The following EML5 variants were observed in gnomAD, a reference collection of about 807,000 sequenced individuals.
EML5 encodes echinoderm microtubule-associated protein-like 5.
EML5 carries 120 observed loss-of-function variants against 250.0 expected under a neutral mutation model. The ratio of observed to expected loss-of-function variants is 0.48; its 90% CI spans 0.41 to 0.56. The LOEUF is 0.56. Among genes scored for constraint, EML5 ranks in the 20% least tolerant of loss-of-function variants. The probability of loss-of-function intolerance (pLI) is 0.00; values close to 1 mark genes in which losing one functional copy is unlikely to be tolerated. For missense variants in EML5, 2,006 were observed against 2,437.6 expected (o/e 0.82, Z 3.73); for synonymous variants, 771 against 806.5 (o/e 0.96, Z 0.75).
chr14:88,787,868 G>C (rs2094566861), intron 1 of EML5, among the ~76,000 whole-genome samples: 1 of 151,930 alleles, frequency 6.6e-6, no homozygotes, highest in Non-Finnish European at 1.5e-5. Context: ...GGTTTGAGGA[G>C]AGGGTTTGTG....
At chr14:88,676,956 G>A (rs946907955) in intron 21 of EML5, among the ~76,000 whole-genome samples, 7 of 152,110 alleles carry the variant, frequency 4.6e-5, no homozygotes, top group Non-Finnish European at 7.3e-5. Flanking sequence ...CCAGACTGAC[G>A]TGCAGTGGCA....
chr14:88,705,945 A>G, intron 11 of EML5: 1 of 536,424 alleles, frequency 1.9e-6, no homozygotes, highest in Non-Finnish European at 3.4e-6. Flanking sequence ...AATTTTTGTC[A>G]ATAAAAGCAT....
intron 7 of EML5, among the ~76,000 whole-genome samples, chr14:88,728,211 T>TG (rs71130008): frequency 0.085 from 12,871 of 151,690 alleles, 663 homozygotes; most frequent in Non-Finnish European, 0.11. Flanking sequence ...TTTTTTTTTT[T>TG]GTCATTATTC....
chr14:88,649,340 C>G (rs1429268255), intron 28 of EML5, among the ~76,000 whole-genome samples: 2 of 152,156 alleles, frequency 1.3e-5, no homozygotes, highest in Non-Finnish European at 2.9e-5. Context: ...CAGGCCTGAG[C>G]CACCGTGCCC....
At chr14:88,735,871 A>G (rs751617685) in intron 7 of EML5, among the ~76,000 whole-genome samples, 4 of 152,182 alleles carry the variant, frequency 2.6e-5, no homozygotes, top group Non-Finnish European at 5.9e-5. Flanking sequence ...ACATTCTGAT[A>G]TGGAACAAAC....
intron 10 of EML5, among the ~76,000 whole-genome samples, chr14:88,709,392 T>C (rs990716479): frequency 6.6e-6 from 1 of 152,084 alleles, no homozygotes; most frequent in Non-Finnish European, 1.5e-5. Context: ...TATAAAGTAA[T>C]TCTTAAAGAT....
chr14:88,651,146 GTCATTT>G (rs1442005814), intron 27 of EML5, among the ~76,000 whole-genome samples: 1 of 116,542 alleles, frequency 8.6e-6, no homozygotes, highest in South Asian at 2.8e-4. Flanking sequence ...CTTCTGCCTT[GTCATTT>G]TCTTTTTTTT....
rs1566812768 is a variant in EML5, at chr14:88,792,538, CGCGGCGGCGACGGGAG to C, written c.-51_-36del. On this transcript the variant is annotated 5_prime_UTR_variant, in exon 1 of 44. Transcript: ENST00000554922. The surrounding 1 kb of genome is among the most constrained non-coding windows in gnomAD (Gnocchi z 6.9). ...CCCACCCGCCGCTCCCGCTCGGGCC[CGCGGCGGCGACGGGAG>C]GCGGCGGCGGCCCGGCAACGAAAGC... The C allele has an allele frequency of 4.0e-6, 5 of 1,242,612 alleles. No individual in the cohort carries two copies. The highest frequency in any genetic ancestry group is 3.7e-5 in the South Asian group (1 of 26,904). 77.0% of individuals were successfully genotyped at this position (1,242,612 alleles called of 1,614,324 possible). A position where few individuals can be genotyped will look rare whatever the true frequency, so the allele number is the denominator to read the frequency against.
chr14:88,786,787 A>G (rs191347805), intron 1 of EML5, among the ~76,000 whole-genome samples: 329 of 152,310 alleles, frequency 2.2e-3, no homozygotes, highest in African/African-American at 7.5e-3. Context: ...ACTTCCCACC[A>G]TGATTCTGAG....
intron 34 of EML5, 137 bp downstream of exon 34, chr14:88,627,509 C>T: frequency 1.3e-6 from 1 of 775,450 alleles, no homozygotes; most frequent in South Asian, 2.0e-5. Flanking sequence ...TACAGTACCA[C>T]TGTGTACAGT....
intron 7 of EML5, among the ~76,000 whole-genome samples, chr14:88,735,353 A>C (rs2093823577): frequency 6.6e-6 from 1 of 152,210 alleles, no homozygotes; most frequent in Non-Finnish European, 1.5e-5. Flanking sequence ...GTATCATTAG[A>C]TCTTATTTAA....
At chr14:88,674,460 T>A (rs1297160103) in intron 21 of EML5, among the ~76,000 whole-genome samples, 1 of 151,894 alleles carries the variant, frequency 6.6e-6, no homozygotes, top group East Asian at 1.9e-4. Context: ...ACAGGTGAAA[T>A]CCCAGACACA....
At position 88,715,190 on chromosome 14, in the gene EML5, A is replaced by G. The variant is rs775664803; in HGVS notation, c.1193T>C (p.Met398Thr). Residue 398 changes from methionine to threonine, a missense_variant, in exon 9 of 44, where the codon ATG (methionine) becomes ACG (threonine). Around this residue, in one of 7 missense-constraint regions of EML5, gnomAD observed 1,375 missense variants for 1,590.3 expected, o/e 0.86. Coordinates refer to ENST00000554922, the MANE Select transcript of EML5 (RefSeq NM_183387.3). ...GSFTVLRVRD[M>T]TEVVHIKDRK... ...ATCTTTAATATGTACAACTTCCGTC[A>G]TATCTCTGTTAAAAAGAAAAAAATG... 1.3e-6 allele frequency: 2 copies of G among 1,585,160 alleles called. No homozygotes were observed. Among genetic ancestry groups the G allele is most frequent in the Non-Finnish European group, 1.7e-6 (2 of 1,165,162 alleles).
chr14:88,712,935 T>C (rs2093429465), intron 9 of EML5, among the ~76,000 whole-genome samples: 1 of 152,112 alleles, frequency 6.6e-6, no homozygotes, highest in African/African-American at 2.4e-5. Context: ...GATAATATAT[T>C]TACATTAGGT....
At chr14:88,634,338 AT>A in intron 33 of EML5, 130 bp downstream of exon 33, 1 of 595,886 alleles carries the variant, frequency 1.7e-6, no homozygotes, top group Non-Finnish European at 2.8e-6. Flanking sequence ...AATTAAACAC[AT>A]TTTCTTTGTA....
intron 32 of EML5, 33 bp downstream of exon 32, chr14:88,638,776 T>C (rs2090888803): frequency 6.7e-7 from 1 of 1,490,534 alleles, no homozygotes; most frequent in Non-Finnish European, 9.1e-7. Flanking sequence ...GCAAATGCTT[T>C]AAATTGTTTC....
rs2087423538 is a variant in EML5, at chr14:88,615,326, A to C, written c.*492T>G. ...TCCTTAGGGAAAATGTTTGCCTTTT[A>C]AAAACTGTGATCCTTTAGGATGATC... On this transcript the variant is annotated 3_prime_UTR_variant, in exon 44 of 44. Coordinates refer to ENST00000554922, the MANE Select transcript of EML5 (RefSeq NM_183387.3). 6.6e-6 allele frequency: 1 copy of C among 152,434 alleles called. No individual in the cohort carries two copies. The highest frequency in any genetic ancestry group is 1.5e-5 in the Non-Finnish European group (1 of 68,162). The allele number at this position is 152,434 out of a possible 1,614,324, so 9.4% of individuals were successfully genotyped here.
Position 88,642,906 on chromosome 14 carries a change from G to C in EML5, c.4224C>G (p.His1408Gln), listed in dbSNP as rs763309742. The change falls in exon 31 of 44, where the codon CAC (histidine) becomes CAG (glutamine). Residue 1408 changes from histidine (H) to glutamine (Q), a missense_variant. Transcript: ENST00000554922. ...AGGGTTTCCTACCTGTAGCAACATT[G>C]TGCAGAATTCCAACAGATGCAGTGT... ...IYHTASVGIL[H>Q]NVATGSQSFY... 4 of 1,603,318 alleles carry C rather than the reference G, an allele frequency of 2.5e-6. No homozygotes were observed. The highest frequency in any genetic ancestry group is 2.5e-6 in the Non-Finnish European group (3 of 1,176,692).
Position 88,702,629 on chromosome 14 carries a change from GTAAC to G in EML5, c.2052-1_2054del. The G allele has an allele frequency of 6.4e-7, 1 of 1,558,590 alleles. No homozygotes were observed. The highest frequency in any genetic ancestry group is 8.7e-7 in the Non-Finnish European group (1 of 1,152,008). On this transcript the variant is annotated splice_acceptor_variant and coding_sequence_variant, in exon 14 of 44. Coordinates refer to ENST00000554922, the MANE Select transcript of EML5 (RefSeq NM_183387.3). LOFTEE classifies it high-confidence loss of function. Reference sequence around the variant, plus strand: ...GATTACTTCGACAGTCATAACCTCTGTAACTAATATAGAAAACAAATCATATATA... The same window carrying G: ...GATTACTTCGACAGTCATAACCTCTGTAATATAGAAAACAAATCATATATA...
Sources: allele counts gnomAD v4.1 joint callset (sites outside exome capture counted in the v4.1 genomes callset), GRCh38; gene constraint gnomAD v4.1.1; regional missense constraint gnomAD v4.1.1; non-coding constraint Gnocchi (gnomAD v3.1); transcripts MANE v1.5; gene names NCBI Gene and HGNC (gene_info 2026-07-23, HGNC 2026-07-21).